MSRB3: variants seen among roughly 807,000 people sequenced by gnomAD.
MSRB3 encodes the protein methionine sulfoxide reductase B3.
Under a neutral mutation model 21.0 loss-of-function variants are expected in MSRB3, and 13 were observed. The ratio of observed to expected loss-of-function variants is 0.62; its 90% confidence interval spans 0.40 to 0.98. MSRB3 has a LOEUF of 0.98. Among genes scored for constraint, MSRB3 ranks in the 50% least tolerant of loss-of-function variants. The pLI is 0.00. For missense variants in MSRB3, 199 were observed against 230.3 expected (o/e 0.86, Z 0.88); for synonymous variants, 87 against 88.6 (o/e 0.98, Z 0.10).
At chr12:65,453,692 C>T (rs1478184253) in intron 5 of MSRB3, 36 bp from the exon 6 acceptor site, 1 of 1,482,092 alleles carries the variant, frequency 6.7e-7, no homozygotes, top group Admixed American at 1.7e-5. Context: ...TGTATCTCTC[C>T]TCTCTGCTTT....
chr12:65,345,645 T>A (rs1422198376), intron 4 of MSRB3, among the ~76,000 whole-genome samples: 1 of 152,180 alleles, frequency 6.6e-6, no homozygotes. Flanking sequence ...GTTTGTTACA[T>A]ATGTATACAT....
intron 1 of MSRB3, among the ~76,000 whole-genome samples, chr12:65,307,712 T>A (rs1445153599): frequency 6.6e-6 from 1 of 152,220 alleles, no homozygotes; most frequent in African/African-American, 2.4e-5. Flanking sequence ...TTTAGATTCT[T>A]CCACATAATT....
chr12:65,396,989 G>C (rs1263717139), intron 5 of MSRB3, among the ~76,000 whole-genome samples: 1 of 152,116 alleles, frequency 6.6e-6, no homozygotes, highest in African/African-American at 2.4e-5. Context: ...TAATGGATTT[G>C]TCTGTTTCTC....
At chr12:65,440,470 T>A (rs921109244) in intron 5 of MSRB3, among the ~76,000 whole-genome samples, 2 of 151,874 alleles carry the variant, frequency 1.3e-5, no homozygotes, top group Non-Finnish European at 2.9e-5. Flanking sequence ...GAAAACAATT[T>A]CTTCTTAATT....
At chr12:65,355,154 A>T (rs1877309606) in intron 4 of MSRB3, among the ~76,000 whole-genome samples, 1 of 151,880 alleles carries the variant, frequency 6.6e-6, no homozygotes, top group Non-Finnish European at 1.5e-5. Context: ...AATTTTTTAG[A>T]TGAATAATTG....
chr12:65,399,962 A>G (rs1305858768), intron 5 of MSRB3, among the ~76,000 whole-genome samples: 3 of 152,136 alleles, frequency 2.0e-5, no homozygotes, highest in Admixed American at 2.0e-4. Context: ...CGACTTGATC[A>G]TGGTGGGGAA....
intron 5 of MSRB3, among the ~76,000 whole-genome samples, chr12:65,394,220 C>T (rs1879652401): frequency 6.6e-6 from 1 of 151,862 alleles, no homozygotes. Context: ...AACATTTTTG[C>T]TTGATATTTT....
chr12:65,403,697 A>C (rs1175044347), intron 5 of MSRB3, among the ~76,000 whole-genome samples: 1 of 152,138 alleles, frequency 6.6e-6, no homozygotes, highest in Non-Finnish European at 1.5e-5. Context: ...CCAAATGGCC[A>C]CCCAGTTTTG....
intron 5 of MSRB3, among the ~76,000 whole-genome samples, chr12:65,391,602 A>G (rs1021209487): frequency 5.3e-5 from 8 of 152,206 alleles, no homozygotes; most frequent in Non-Finnish European, 8.8e-5. Context: ...AGTAAGTGAT[A>G]AACAGAATGT....
intron 5 of MSRB3, among the ~76,000 whole-genome samples, chr12:65,431,746 A>G (rs1320196119): frequency 5.3e-5 from 8 of 152,094 alleles, no homozygotes; most frequent in African/African-American, 1.7e-4. Context: ...TTATTATAAT[A>G]CACACTCCGC....
intron 5 of MSRB3, chr12:65,419,649 T>C (rs1437051078): frequency 2.8e-6 from 2 of 710,140 alleles, no homozygotes; most frequent in Admixed American, 3.6e-5. Flanking sequence ...GGACCCAGTC[T>C]CTGACCTGGG....
rs111746657 is a variant in MSRB3 at position 65,465,925 on chromosome 12, C to T, written c.*2603C>T. The T allele has an allele frequency of 3.9e-3, 587 of 152,342 alleles. 4 individuals carry two copies. Among genetic ancestry groups the T allele is most frequent in the African/African-American group, 0.013 (540 of 41,530 alleles). 9.4% of individuals were successfully genotyped at this position (152,342 alleles called of 1,614,324 possible). On this transcript the variant is annotated 3_prime_UTR_variant, in exon 7 of 7. Transcript: ENST00000308259. ...GCTTTGCCACAGCCTCCAGCCCATC[C>T]TTCAGAGGCACACACAGCACCTCTC...
At chr12:65,462,379 C>T (rs112749548) in intron 6 of MSRB3, among the ~76,000 whole-genome samples, 23 of 152,328 alleles carry the variant, frequency 1.5e-4, no homozygotes, top group African/African-American at 5.5e-4. Flanking sequence ...CTTTATTTCT[C>T]TCAAACACCA....
rs148708560 is a variant in MSRB3 at position 65,316,492 on chromosome 12, T to G, written c.76+7837T>G. ...GCAAGCTCCAGAAAGGTAGAAATTTTTGTCTGTTTAGTTCACTGTTACAAT... is the reference window on the plus strand; with the variant it reads ...GCAAGCTCCAGAAAGGTAGAAATTTGTGTCTGTTTAGTTCACTGTTACAAT... On this transcript the variant is annotated intron_variant, in intron 2 of 6. Coordinates refer to ENST00000308259, the MANE Select transcript of MSRB3 (RefSeq NM_001031679.3). 8.5e-3 allele frequency among the ~76,000 whole-genome samples: 1,291 copies of G among 152,296 alleles called. 21 individuals carry two copies. The highest frequency in any genetic ancestry group is 0.029 in the African/African-American group (1,200 of 41,554).
chr12:65,420,224 T>C (rs1265562120), intron 5 of MSRB3, among the ~76,000 whole-genome samples: 1 of 152,150 alleles, frequency 6.6e-6, no homozygotes, highest in Non-Finnish European at 1.5e-5. Context: ...AAACTTGGAC[T>C]TTCTATTTTA....
In MSRB3 at chr12:65,396,667, G is replaced by A. The variant is rs577511279; in HGVS notation, c.292+27641G>A. On this transcript the variant is annotated intron_variant, in intron 5 of 6. Coordinates refer to ENST00000308259, the MANE Select transcript of MSRB3 (RefSeq NM_001031679.3). ...GATCATGCCATTACACTCCAGCCTG[G>A]GTGACAAGAGTGAAACTCCATCTCA... 7.1e-5 allele frequency among the ~76,000 whole-genome samples: 10 copies of A among 141,454 alleles called. No homozygotes were observed. In the South Asian group the frequency reaches 2.0e-3, roughly 28 times the overall value. 92.8% of individuals were successfully genotyped at this position (141,454 alleles called of 152,430 possible).
intron 5 of MSRB3, among the ~76,000 whole-genome samples, chr12:65,385,892 TTCTG>T (rs760895035): frequency 8.6e-5 from 13 of 151,948 alleles, no homozygotes; most frequent in Non-Finnish European, 1.5e-4. Flanking sequence ...TTTCTGTTTA[TTCTG>T]TCTACCATCT....
chr12:65,348,688 A>G (rs1332922494), intron 4 of MSRB3, among the ~76,000 whole-genome samples: 2 of 152,044 alleles, frequency 1.3e-5, no homozygotes, highest in African/African-American at 2.4e-5. Context: ...TAGGGTGTCA[A>G]TTTTAAATCC....
chr12:65,349,694 G>A (rs1047635788), intron 4 of MSRB3, among the ~76,000 whole-genome samples: 1 of 149,350 alleles, frequency 6.7e-6, no homozygotes, highest in African/African-American at 2.6e-5. Context: ...TTTTTTGGCT[G>A]CATAAATGTC....
Sources: gnomAD v4.1 joint callset for allele counts (sites outside exome capture counted in the v4.1 genomes callset) on GRCh38, gnomAD v4.1.1 for gene constraint, MANE v1.5 for transcripts, NCBI Gene and HGNC (gene_info 2026-07-23, HGNC 2026-07-21) for gene names.